The following ABCG8 variants were observed in gnomAD, a reference collection of about 807,000 sequenced individuals.
The protein encoded by ABCG8 is ATP binding cassette subfamily G member 8, also known as ATP-binding cassette sub-family G member 8.
Under a neutral mutation model 71.3 loss-of-function variants are expected in ABCG8, and 81 were observed. The observed-to-expected ratio is 1.14, with a 90% CI of 0.95 to 1.37. The LOEUF (loss-of-function observed/expected upper bound fraction) is 1.37, where lower values mean the gene tolerates loss of function less well. Ranked by LOEUF, ABCG8 falls within the 40% of genes most tolerant of loss-of-function variation. The pLI is 0.00. For synonymous variants in ABCG8, 451 were observed against 354.7 expected (o/e 1.27, Z -3.05); for missense variants, 1,119 against 866.2 (o/e 1.29, Z -3.66).
At chr2:43,853,008 C>A (rs1668981967) in intron 6 of ABCG8, 140 bp downstream of exon 6, 3 of 1,113,710 alleles carry the variant, frequency 2.7e-6, no homozygotes, top group Non-Finnish European at 3.8e-6. Context: ...TGGGGAAGAA[C>A]ATGGGGTGGT....
chr2:43,871,878 G>A, intron 6 of ABCG8, 98 bp from the exon 7 acceptor site: 1 of 1,545,292 alleles, frequency 6.5e-7, no homozygotes, highest in Non-Finnish European at 8.9e-7. Flanking sequence ...CCCCACGAGG[G>A]GTGATCAGCA....
At position 43,877,958 on chromosome 2, in the gene ABCG8, C is replaced by G. The variant is rs947116178; in HGVS notation, c.*45C>G. On this transcript the variant is annotated 3_prime_UTR_variant, in exon 13 of 13. Coordinates refer to ENST00000272286, the MANE Select transcript of ABCG8 (RefSeq NM_022437.3). ...CGCTGGTGGGGGACCTGAGCAGACC[C>G]TTCAACTGCACTCCCTCCTCAGGAG... is the stretch of plus-strand genomic sequence containing the variant. The G allele has an allele frequency of 3.7e-6, 6 of 1,613,658 alleles. No homozygotes were observed. Among genetic ancestry groups the G allele is most frequent in the Non-Finnish European group, 4.2e-6 (5 of 1,179,890 alleles).
In ABCG8 at chr2:43,880,332, CCTGG is replaced by C. The variant is rs60918637; in HGVS notation, c.*2422_*2425del. 0.28 allele frequency: 41,755 copies of C among 151,658 alleles called. 5,798 individuals are homozygous for C. The highest frequency in any genetic ancestry group is 0.31 in the African/African-American group (12,618 of 41,292). The allele number at this position is 151,658 out of a possible 1,614,324, so 9.4% of individuals were successfully genotyped here. On this transcript the variant is annotated 3_prime_UTR_variant, in exon 13 of 13. Coordinates refer to ENST00000272286, the MANE Select transcript of ABCG8 (RefSeq NM_022437.3). ...GGGATTAACAGTGCCCACCACCACACCTGGCTAATTTTTGTATTTTTAGTAAAGA... is the reference window on the plus strand; with the variant it reads ...GGGATTAACAGTGCCCACCACCACACCTAATTTTTGTATTTTTAGTAAAGA...
rs543857396 is a variant in ABCG8, at chr2:43,874,246, A to G, written c.1412-161A>G. ...CAAAACCTGAAGAGCCTCATCAAACATCTAAATTAGGATGGCTTTACTGTG... is the reference window on the plus strand; with the variant it reads ...CAAAACCTGAAGAGCCTCATCAAACGTCTAAATTAGGATGGCTTTACTGTG... On this transcript the variant is annotated intron_variant, in intron 9 of 12. Coordinates refer to ENST00000272286, the MANE Select transcript of ABCG8 (RefSeq NM_022437.3). Among the ~76,000 whole-genome samples, 3 of 152,286 alleles carry G rather than the reference A, an allele frequency of 2.0e-5. No individual in the cohort carries two copies. In the South Asian group the frequency reaches 6.2e-4, roughly 32 times the overall value.
At chr2:43,868,175 C>G (rs976976300) in intron 6 of ABCG8, among the ~76,000 whole-genome samples, 5 of 152,110 alleles carry the variant, frequency 3.3e-5, no homozygotes, top group Non-Finnish European at 5.9e-5. Context: ...TTCTCACCCT[C>G]TGGATGGAAC....
At position 43,874,399 on chromosome 2, in the gene ABCG8, C is replaced by T. The variant is rs28517482; in HGVS notation, c.1412-8C>T. ...CTTCATTCTCTTTTCCTTTCCCTTA[C>T]TTTTTAGGTTACTCAGAGAGGGCAA... On this transcript the variant is annotated splice_polypyrimidine_tract_variant and splice_region_variant and intron_variant, in intron 9 of 12. Coordinates refer to ENST00000272286, the MANE Select transcript of ABCG8 (RefSeq NM_022437.3). 0.62 allele frequency: 991,165 copies of T among 1,590,040 alleles called. 314,676 individuals are homozygous for T. Among genetic ancestry groups the T allele is most frequent in the East Asian group, 0.97 (43,179 of 44,740 alleles).
rs560477179 is a variant in ABCG8, at chr2:43,867,526, T to G, written c.965-4450T>G. 4.0e-5 allele frequency among the ~76,000 whole-genome samples: 6 copies of G among 151,440 alleles called. No individual in the cohort carries two copies. The East Asian group carries it at 1.2e-3, about 30-fold the overall frequency. On this transcript the variant is annotated intron_variant, in intron 6 of 12. Coordinates refer to ENST00000272286, the MANE Select transcript of ABCG8 (RefSeq NM_022437.3). Reference sequence around the variant, plus strand: ...AGAACTGTCACTATCTGGATAGAATTGTCACCATCTGCATGGAACTCTCAC... The same window carrying G: ...AGAACTGTCACTATCTGGATAGAATGGTCACCATCTGCATGGAACTCTCAC...
intron 6 of ABCG8, among the ~76,000 whole-genome samples, chr2:43,862,915 C>G (rs186482342): frequency 6.6e-6 from 1 of 150,912 alleles, no homozygotes; most frequent in South Asian, 2.1e-4. Flanking sequence ...ACAACTCTTA[C>G]AATCTGGATA....
At chr2:43,849,190 C>T (rs150861410) in intron 3 of ABCG8, among the ~76,000 whole-genome samples, 312 of 152,140 alleles carry the variant, frequency 2.1e-3, no homozygotes, top group African/African-American at 7.4e-3. Flanking sequence ...GGTGTTTTGT[C>T]TTAGTTCATG....
chr2:43,856,209 G>T (rs1291692555), intron 6 of ABCG8, among the ~76,000 whole-genome samples: 1 of 151,202 alleles, frequency 6.6e-6, no homozygotes, highest in Non-Finnish European at 1.5e-5. Flanking sequence ...TCACCCTATG[G>T]GTAGAACTCT....
In ABCG8 at chr2:43,852,818, C is replaced by T. The variant is rs536828373; in HGVS notation, c.914C>T (p.Thr305Ile). ...GCCCAGCACATGGTCCAGTATTTCA[C>T]AGCCATCGGCTACCCCTGTCCTCGC... ...GAAQHMVQYF[T>I]AIGYPCPRYS... The change falls in exon 6 of 13, where the codon ACA becomes ATA. Residue 305 changes from threonine to isoleucine, a missense_variant. Coordinates refer to ENST00000272286, the MANE Select transcript of ABCG8 (RefSeq NM_022437.3). 6.2e-7 allele frequency: 1 copy of T among 1,614,170 alleles called. No individual in the cohort carries two copies. Among genetic ancestry groups the T allele is most frequent in the African/African-American group, 1.3e-5 (1 of 75,036 alleles).
rs536658142 is a variant in ABCG8, at chr2:43,878,719, G to A, written c.*806G>A. Reference sequence around the variant, plus strand: ...CAGAAGACAAATGGGGTCTGTAGAGGCTGTTAACTCAGCCAGGCTTCTTAG... The same window carrying A: ...CAGAAGACAAATGGGGTCTGTAGAGACTGTTAACTCAGCCAGGCTTCTTAG... On this transcript the variant is annotated 3_prime_UTR_variant, in exon 13 of 13. Transcript: ENST00000272286. 10 of 152,560 alleles carry A rather than the reference G, an allele frequency of 6.6e-5. No individual in the cohort carries two copies. Among genetic ancestry groups the A allele is most frequent in the African/African-American group, 2.4e-4 (10 of 41,590 alleles). The allele number at this position is 152,560 out of a possible 1,614,324, so 9.5% of individuals were successfully genotyped here.
intron 6 of ABCG8, among the ~76,000 whole-genome samples, chr2:43,865,449 A>T (rs1669493915): frequency 6.6e-6 from 1 of 151,700 alleles, no homozygotes; most frequent in South Asian, 2.1e-4. Context: ...AGCTCTCAGT[A>T]TCTGGATAGA....
intron 6 of ABCG8, among the ~76,000 whole-genome samples, chr2:43,857,049 A>C (rs572421167): frequency 6.6e-6 from 1 of 151,024 alleles, no homozygotes; most frequent in South Asian, 2.1e-4. Flanking sequence ...AACTCTCACT[A>C]ACTGTCTGGA....
At chr2:43,848,661 C>T (rs1371886744) in intron 3 of ABCG8, 1 of 152,004 alleles carries the variant, frequency 6.6e-6, no homozygotes, top group Non-Finnish European at 1.5e-5. Flanking sequence ...TACTGCCATC[C>T]CCCTCTCCCC....
chr2:43,857,391 C>T (rs1669150055), intron 6 of ABCG8, among the ~76,000 whole-genome samples: 2 of 151,686 alleles, frequency 1.3e-5, no homozygotes, highest in Admixed American at 6.6e-5. Context: ...AGAACTCTCA[C>T]TATCTATCTG....
chr2:43,850,076 G>T (rs1668866422), intron 3 of ABCG8, among the ~76,000 whole-genome samples: 1 of 152,054 alleles, frequency 6.6e-6, no homozygotes, highest in Admixed American at 6.6e-5. Context: ...GGCGGGTGTG[G>T]TGGCAGGCAT....
At chr2:43,844,763 G>A (rs1011269803) in intron 2 of ABCG8, among the ~76,000 whole-genome samples, 155 bp downstream of exon 2, 2 of 152,178 alleles carry the variant, frequency 1.3e-5, no homozygotes, top group African/African-American at 4.8e-5. Flanking sequence ...AGGTGCAATA[G>A]GTGTCATCAA....
intron 8 of ABCG8, among the ~76,000 whole-genome samples, chr2:43,872,755 G>A (rs976884251): frequency 3.9e-5 from 6 of 152,134 alleles, no homozygotes; most frequent in Admixed American, 6.5e-5. Flanking sequence ...CCTTCAGTGC[G>A]ACACAGAACA....
Sources: gnomAD v4.1 joint callset for allele counts (sites outside exome capture counted in the v4.1 genomes callset) on GRCh38, gnomAD v4.1.1 for gene constraint, MANE v1.5 for transcripts, NCBI Gene and HGNC (gene_info 2026-07-23, HGNC 2026-07-21) for gene names.